Variants in PTPRS observed in about 807,000 individuals in gnomAD.
PTPRS encodes receptor-type tyrosine-protein phosphatase S.
Under a neutral mutation model 215.3 loss-of-function variants are expected in PTPRS, and 63 were observed. The ratio of observed to expected loss-of-function variants is 0.29; its 90% CI spans 0.24 to 0.36. The LOEUF is 0.36. Among genes scored for constraint, PTPRS ranks in the 10% least tolerant of loss-of-function variants. PTPRS has a pLI of 1.00. For missense variants in PTPRS, 2,258 were observed against 2,825.8 expected (o/e 0.80, Z 4.56); for synonymous variants, 1,404 against 1,191.4 (o/e 1.18, Z -3.68).
chr19:5,268,313 C>A (rs1222253208), intron 4 of PTPRS, among the ~76,000 whole-genome samples: 1 of 152,172 alleles, frequency 6.6e-6, no homozygotes, highest in East Asian at 1.9e-4. Context: ...GCCTGTAGAG[C>A]CAAAAATATT....
chr19:5,218,501 A>G lies in PTPRS; in HGVS notation c.3967T>C (p.Cys1323Arg). ...GCGAGGTCGGCATTGTTCAGGAGGCATTTGGTGCGGGGTTCTGAGTCCTTG... is the reference window on the plus strand; with the variant it reads ...GCGAGGTCGGCATTGTTCAGGAGGCGTTTGGTGCGGGGTTCTGAGTCCTTG... Reference protein sequence around the residue: ...KRKDSEPRTKCLLNNADLAPH... With the variant: ...KRKDSEPRTKRLLNNADLAPH... The change falls in exon 25 of 38, where the codon TGC becomes CGC. Residue 1323 changes from cysteine (C) to arginine (R), a missense_variant. By Grantham distance (180) the Cys-to-Arg change is radical. This residue lies in a region of PTPRS where 927 missense variants were observed against 1,125.9 expected (regional missense o/e 0.82). Coordinates refer to ENST00000262963, the MANE Select transcript of PTPRS (RefSeq NM_002850.4). 6.2e-7 allele frequency: 1 copy of G among 1,614,128 alleles called. No homozygotes were observed. Among genetic ancestry groups the G allele is most frequent in the Non-Finnish European group, 8.5e-7 (1 of 1,180,026 alleles).
chr19:5,303,603 G>C (rs544790859), intron 1 of PTPRS, among the ~76,000 whole-genome samples: 2 of 152,068 alleles, frequency 1.3e-5, no homozygotes, highest in East Asian at 1.9e-4. Flanking sequence ...GGTGCAGAGA[G>C]GGGGGCTGGT....
intron 5 of PTPRS, 77 bp from the exon 6 acceptor site, chr19:5,263,049 A>G (rs2046128744): frequency 2.2e-6 from 1 of 448,050 alleles, no homozygotes; most frequent in Admixed American, 3.3e-5. Context: ...CTATGTCCTC[A>G]GCGAGGAGGG....
rs899829067 is a variant in PTPRS, at chr19:5,291,189, G to A, written c.-94-4955C>T. ...CCTGGTGGCCAGGAGTGGATGGGTG[G>A]GGCAGACAGGGAACCAGGCCCAGCC... On this transcript the variant is annotated intron_variant, in intron 1 of 37. Transcript: ENST00000262963. 9.9e-5 allele frequency among the ~76,000 whole-genome samples: 15 copies of A among 152,262 alleles called. No homozygotes were observed. The East Asian group carries it at 2.9e-3, about 29-fold the overall frequency.
intron 13 of PTPRS, among the ~76,000 whole-genome samples, chr19:5,235,041 C>A (rs1887796659): frequency 6.6e-6 from 1 of 151,420 alleles, no homozygotes; most frequent in East Asian, 1.9e-4. Context: ...CTCGGGTTCA[C>A]GCCATTCTCC....
intron 19 of PTPRS, 122 bp from the exon 20 acceptor site, chr19:5,221,375 G>A (rs2041961850): frequency 7.6e-7 from 1 of 1,314,116 alleles, no homozygotes; most frequent in Non-Finnish European, 1.0e-6. Context: ...GCCCTAGGCA[G>A]AAATCTAACA....
rs143481159 is a variant in PTPRS, at chr19:5,214,375, A to G, written c.4600T>C (p.Phe1534Leu). ...IELATFCVRT[F>L]SLHKNGSSEK... ...CTGGGCCCCACCTTGTGCAGAGAGA[A>G]TGTCCTGACGCAGAATGTGGCCAGC... The change falls in exon 30 of 38, where the codon TTC (phenylalanine) becomes CTC (leucine). Residue 1534 changes from phenylalanine (F) to leucine (L), a missense_variant. This residue lies in a region of PTPRS where 927 missense variants were observed against 1,125.9 expected (regional missense o/e 0.82). Coordinates refer to ENST00000262963, the MANE Select transcript of PTPRS (RefSeq NM_002850.4). The G allele has an allele frequency of 4.3e-6, 7 of 1,614,018 alleles. No homozygotes were observed. The highest frequency in any genetic ancestry group is 5.9e-6 in the Non-Finnish European group (7 of 1,180,038).
chr19:5,239,115 G>GAC, intron 12 of PTPRS, 52 bp from the exon 13 acceptor site: 1 of 1,372,784 alleles, frequency 7.3e-7, no homozygotes. Flanking sequence ...GAGAGAGAGA[G>GAC]ACAGAAACAA....
At chr19:5,216,044 C>T (rs149940188) in intron 26 of PTPRS, among the ~76,000 whole-genome samples, 1 of 152,248 alleles carries the variant, frequency 6.6e-6, no homozygotes, top group Non-Finnish European at 1.5e-5. Context: ...GCGACTGACA[C>T]CCCTTTCTGT....
At position 5,238,839 on chromosome 19, in the gene PTPRS, TG is replaced by T. The variant is rs1340735384; in HGVS notation, c.1849+79del. The stretch of plus-strand genomic sequence containing the variant: ...CCCACCCACTGCAGCAGGCCCCGCC[TG>T]GGTCCGTCTGCCGAGGGGCTGTCTG... On this transcript the variant is annotated intron_variant, in intron 13 of 37. Coordinates refer to ENST00000262963, the MANE Select transcript of PTPRS (RefSeq NM_002850.4). 4 of 1,461,620 alleles carry T rather than the reference TG, an allele frequency of 2.7e-6. No individual in the cohort carries two copies. In the East Asian group the frequency reaches 7.7e-5, roughly 28 times the overall value. 90.5% of individuals were successfully genotyped at this position (1,461,620 alleles called of 1,614,324 possible).
At chr19:5,215,245 T>C in intron 28 of PTPRS, 44 bp downstream of exon 28, 1 of 1,607,654 alleles carries the variant, frequency 6.2e-7, no homozygotes, top group Non-Finnish European at 8.5e-7. Flanking sequence ...GCACTTTCCA[T>C]GCAGTGGGGA....
chr19:5,239,659 C>CAGAGAA (rs2043845569), intron 12 of PTPRS, among the ~76,000 whole-genome samples: 1 of 146,534 alleles, frequency 6.8e-6, no homozygotes, highest in Non-Finnish European at 1.5e-5. Context: ...GAGACAGGGA[C>CAGAGAA]AGAGAAAGAG....
In PTPRS at chr19:5,205,972, C is replaced by A. The variant is rs1209624166; in HGVS notation, c.*802G>T. On this transcript the variant is annotated 3_prime_UTR_variant, in exon 38 of 38. Transcript: ENST00000262963. ...GAAAATTTAATTTATAAAAATGAAACAAAAAGGGGGAAAAAAAAAGCCAAG... is the reference window on the plus strand; with the variant it reads ...GAAAATTTAATTTATAAAAATGAAAAAAAAAGGGGGAAAAAAAAAGCCAAG... Among the ~76,000 whole-genome samples, 5 of 119,842 alleles carry A rather than the reference C, an allele frequency of 4.2e-5. No individual in the cohort carries two copies. The highest frequency in any genetic ancestry group is 9.4e-5 in the African/African-American group (3 of 32,036). 78.6% of individuals were successfully genotyped at this position (119,842 alleles called of 152,430 possible).
At chr19:5,275,244 G>T (rs945515968) in intron 2 of PTPRS, among the ~76,000 whole-genome samples, 1 of 151,326 alleles carries the variant, frequency 6.6e-6, no homozygotes, top group African/African-American at 2.4e-5. Flanking sequence ...CTAACTTTTT[G>T]TATTTTTAGT....
At chr19:5,277,851 A>G in intron 2 of PTPRS, 1 of 831,786 alleles carries the variant, frequency 1.2e-6, no homozygotes. Context: ...GGAAACCCAG[A>G]GGTATTGACA....
At chr19:5,230,484 G>T (rs908527198) in intron 14 of PTPRS, among the ~76,000 whole-genome samples, 11 of 151,998 alleles carry the variant, frequency 7.2e-5, no homozygotes, top group African/African-American at 2.4e-4. Flanking sequence ...GTAGAGATGG[G>T]GTCTCACTCT....
chr19:5,258,166 G>A (rs768183331), intron 7 of PTPRS, 39 bp from the exon 8 acceptor site: 2 of 1,542,692 alleles, frequency 1.3e-6, no homozygotes, highest in Non-Finnish European at 1.8e-6. Flanking sequence ...TGTTAGAGGG[G>A]GGCCCAGGAG....
intron 30 of PTPRS, among the ~76,000 whole-genome samples, chr19:5,213,279 C>T (rs2041098926): frequency 6.6e-6 from 1 of 152,218 alleles, no homozygotes; most frequent in Non-Finnish European, 1.5e-5. Context: ...TCTGGTACCT[C>T]CTCTGCCCAC....
chr19:5,214,893 C>T (rs10401306), intron 28 of PTPRS, among the ~76,000 whole-genome samples, 157 bp from the exon 29 acceptor site: 49,775 of 152,246 alleles, frequency 0.33, 10,920 homozygotes, highest in African/African-American at 0.63. Context: ...CCCTCAGCGC[C>T]ATCACCATTT....
Sources: allele counts gnomAD v4.1 joint callset (sites outside exome capture counted in the v4.1 genomes callset), GRCh38; gene constraint gnomAD v4.1.1; regional missense constraint gnomAD v4.1.1; transcripts MANE v1.5; gene names NCBI Gene and HGNC (gene_info 2026-07-23, HGNC 2026-07-21).